Variants in RBMS1 observed in about 807,000 individuals in gnomAD.
RBMS1 encodes the protein RNA binding motif single stranded interacting protein 1, also known as RNA-binding motif, single-stranded-interacting protein 1.
A neutral mutation model predicts 62.3 loss-of-function variants in RBMS1; 17 were observed. The ratio of observed to expected loss-of-function variants is 0.27; its 90% CI spans 0.19 to 0.41. The LOEUF is 0.41. Ranked by LOEUF, RBMS1 falls within the 10% of genes least tolerant of loss-of-function variation. The probability of loss-of-function intolerance (pLI) is 1.00; values close to 1 mark genes in which losing one functional copy is unlikely to be tolerated. For synonymous variants in RBMS1, 172 were observed against 170.0 expected (o/e 1.01, Z -0.09); for missense variants, 334 against 504.5 (o/e 0.66, Z 3.24).
At chr2:160,289,511 T>G (rs1441869096) in intron 6 of RBMS1, among the ~76,000 whole-genome samples, 2 of 152,224 alleles carry the variant, frequency 1.3e-5, no homozygotes, top group Non-Finnish European at 1.5e-5. Flanking sequence ...CTCTTTAAAA[T>G]TCTCTTTGGT....
intron 12 of RBMS1, among the ~76,000 whole-genome samples, chr2:160,275,940 T>C (rs1559301808): frequency 1.3e-5 from 2 of 152,214 alleles, no homozygotes; most frequent in Non-Finnish European, 2.9e-5. Context: ...CCTATTCTTA[T>C]CAAGCTACAG....
In RBMS1 at chr2:160,306,481, A is replaced by G. The variant is rs184582061; in HGVS notation, c.403-2994T>C. 2.0e-4 allele frequency among the ~76,000 whole-genome samples: 31 copies of G among 152,254 alleles called. No homozygotes were observed. In the East Asian group the frequency reaches 5.8e-3, roughly 28 times the overall value. On this transcript the variant is annotated intron_variant, in intron 4 of 13. Coordinates refer to ENST00000348849, the MANE Select transcript of RBMS1 (RefSeq NM_016836.4). Reference sequence around the variant, plus strand: ...TAAGTATTTCCTATGATGTGAATGCATTTGTTTTCAATAGCAACGACCCTG... The same window carrying G: ...TAAGTATTTCCTATGATGTGAATGCGTTTGTTTTCAATAGCAACGACCCTG...
At chr2:160,380,528 G>T (rs1268510624) in intron 1 of RBMS1, among the ~76,000 whole-genome samples, 1 of 152,214 alleles carries the variant, frequency 6.6e-6, no homozygotes, top group Non-Finnish European at 1.5e-5. Flanking sequence ...AAAAATGCAG[G>T]AAGAGGATAC....
chr2:160,278,419 G>T, intron 11 of RBMS1, 129 bp downstream of exon 11: 2 of 755,290 alleles, frequency 2.6e-6, no homozygotes, highest in East Asian at 2.7e-5. Flanking sequence ...GGAAGGTCAT[G>T]TGGGGGGAAG....
rs556612372 is a variant in RBMS1 at position 160,471,706 on chromosome 2, T to TAG, written c.75+21582_75+21583insCT. Among the ~76,000 whole-genome samples the TAG allele has an allele frequency of 1.5e-4, 16 of 105,524 alleles. No individual in the cohort carries two copies. The East Asian group carries it at 4.5e-3, about 30-fold the overall frequency. The allele number at this position is 105,524 out of a possible 152,430, so 69.2% of individuals were successfully genotyped here. A position where few individuals can be genotyped will look rare whatever the true frequency, so the allele number is the denominator to read the frequency against. On this transcript the variant is annotated intron_variant, in intron 1 of 13. Coordinates refer to ENST00000348849, the MANE Select transcript of RBMS1 (RefSeq NM_016836.4). ...ATCCTTTGGTGTATATATATATATA[T>TAG]ATATATATATAACCTTTCATACATT... is the stretch of plus-strand genomic sequence containing the variant.
At chr2:160,314,594 C>T (rs1019742837) in intron 3 of RBMS1, among the ~76,000 whole-genome samples, 7 of 151,782 alleles carry the variant, frequency 4.6e-5, no homozygotes, top group Admixed American at 6.6e-5. Context: ...TGCCTGGTAA[C>T]GAAATAAGTT....
rs534204977 is a variant in RBMS1, at chr2:160,396,100, G to C, written c.76-28709C>G. ...GGAAATTAAGACCCAGAAAGTTTAA[G>C]AAATGTCCCTTCGAGTGATAAGAGC... On this transcript the variant is annotated intron_variant, in intron 1 of 13. Transcript: ENST00000348849. 1.3e-4 allele frequency among the ~76,000 whole-genome samples: 20 copies of C among 152,290 alleles called. No homozygotes were observed. The South Asian group carries it at 4.1e-3, about 32-fold the overall frequency.
chr2:160,310,610 A>G (rs1288887120), intron 4 of RBMS1, among the ~76,000 whole-genome samples: 1 of 152,208 alleles, frequency 6.6e-6, no homozygotes, highest in African/African-American at 2.4e-5. Flanking sequence ...AGAAGTCGTG[A>G]GACTTGCCCT....
chr2:160,482,493 G>T (rs1685411776), intron 1 of RBMS1, among the ~76,000 whole-genome samples: 1 of 152,020 alleles, frequency 6.6e-6, no homozygotes, highest in African/African-American at 2.4e-5. Flanking sequence ...CACCTTCCAG[G>T]GCCTAATACC....
At chr2:160,464,724 T>C (rs1330760793) in intron 1 of RBMS1, among the ~76,000 whole-genome samples, 4 of 152,254 alleles carry the variant, frequency 2.6e-5, no homozygotes, top group Non-Finnish European at 5.9e-5. Context: ...CTTGAGTTCA[T>C]TCAATTGCCC....
chr2:160,399,493 C>A (rs1276580653), intron 1 of RBMS1, among the ~76,000 whole-genome samples: 1 of 150,672 alleles, frequency 6.6e-6, no homozygotes, highest in African/African-American at 2.4e-5. Flanking sequence ...CTCCTGCATG[C>A]CACCAGTTTA....
intron 2 of RBMS1, among the ~76,000 whole-genome samples, chr2:160,345,029 G>C (rs999502306): frequency 6.6e-6 from 1 of 152,124 alleles, no homozygotes; most frequent in Non-Finnish European, 1.5e-5. Flanking sequence ...AATAAGCTTA[G>C]AATGTTACTA....
chr2:160,377,599 T>A (rs1694068695), intron 1 of RBMS1, among the ~76,000 whole-genome samples: 2 of 152,168 alleles, frequency 1.3e-5, no homozygotes, highest in Admixed American at 1.3e-4. Flanking sequence ...TCCACTGATT[T>A]CAAACCCAGT....
chr2:160,493,628 G>A lies in RBMS1; in HGVS notation c.-265C>T. ...AGAAAGACACTGCAGAGCGCAGAGG[G>A]CACCCCGGACAGGGCGCTCCCAAGG... On this transcript the variant is annotated 5_prime_UTR_variant, in exon 1 of 14. Coordinates refer to ENST00000348849, the MANE Select transcript of RBMS1 (RefSeq NM_016836.4). The A allele has an allele frequency of 7.3e-6, 4 of 545,670 alleles. No homozygotes were observed. The East Asian group carries it at 9.6e-5, about 13-fold the overall frequency. 33.8% of individuals were successfully genotyped at this position (545,670 alleles called of 1,614,324 possible).
intron 1 of RBMS1, among the ~76,000 whole-genome samples, chr2:160,467,282 C>G (rs1364813806): frequency 6.6e-6 from 1 of 151,628 alleles, no homozygotes. Flanking sequence ...AGTAAGTGTA[C>G]AAGGTGAAAG....
intron 4 of RBMS1, among the ~76,000 whole-genome samples, chr2:160,305,534 G>A (rs1016175282): frequency 6.6e-6 from 1 of 152,134 alleles, no homozygotes; most frequent in East Asian, 1.9e-4. Flanking sequence ...ACTCTATGAT[G>A]TGCACATGAT....
intron 2 of RBMS1, among the ~76,000 whole-genome samples, chr2:160,330,617 TG>T (rs1166514928): frequency 7.0e-6 from 1 of 143,102 alleles, no homozygotes; most frequent in African/African-American, 2.5e-5. Flanking sequence ...CATGAAAATA[TG>T]TTTTTTTTTT....
At chr2:160,425,370 G>A (rs1682506330) in intron 1 of RBMS1, among the ~76,000 whole-genome samples, 1 of 152,056 alleles carries the variant, frequency 6.6e-6, no homozygotes, top group South Asian at 2.1e-4. Flanking sequence ...CTCCCTTAAA[G>A]GCTAACTAAA....
intron 2 of RBMS1, among the ~76,000 whole-genome samples, chr2:160,321,554 A>G (rs1425618252): frequency 6.6e-6 from 1 of 152,040 alleles, no homozygotes; most frequent in Non-Finnish European, 1.5e-5. Flanking sequence ...AAATACCTTA[A>G]TATTTTATTA....
Sources: gnomAD v4.1 joint callset for allele counts (sites outside exome capture counted in the v4.1 genomes callset) on GRCh38, gnomAD v4.1.1 for gene constraint, MANE v1.5 for transcripts, NCBI Gene and HGNC (gene_info 2026-07-23, HGNC 2026-07-21) for gene names.